Variants in SLIT3 observed in about 807,000 individuals in gnomAD.
SLIT3 encodes the protein slit homolog 3 protein.
In SLIT3, 68 loss-of-function variants were observed where a neutral mutation model predicts 184.0. The observed-to-expected ratio is 0.37, with a 90% confidence interval of 0.30 to 0.45. SLIT3 has a LOEUF of 0.45. SLIT3 is among the 20% of genes least tolerant of loss of function. The pLI, the probability that SLIT3 is intolerant of heterozygous loss-of-function variation, is 1.00. For missense variants in SLIT3, 1,707 were observed against 2,026.0 expected (o/e 0.84, Z 3.02); for synonymous variants, 831 against 828.6 (o/e 1.00, Z -0.05).
At chr5:168,902,555 T>A (rs141804645) in intron 4 of SLIT3, among the ~76,000 whole-genome samples, 75 of 152,220 alleles carry the variant, frequency 4.9e-4, no homozygotes, top group African/African-American at 1.7e-3. Context: ...GGGGGACTGA[T>A]GCAGCCGTTC....
At chr5:169,165,294 T>C (rs766482296) in intron 4 of SLIT3, among the ~76,000 whole-genome samples, 1 of 152,242 alleles carries the variant, frequency 6.6e-6, no homozygotes, top group Non-Finnish European at 1.5e-5. Context: ...AACTTGTGCC[T>C]AGGCCAACCT....
At chr5:169,054,502 G>GCA (rs1467825870) in intron 4 of SLIT3, among the ~76,000 whole-genome samples, 3 of 152,060 alleles carry the variant, frequency 2.0e-5, no homozygotes, top group Non-Finnish European at 4.4e-5. Flanking sequence ...TCTTGTCCAG[G>GCA]CAATTCAGGT....
intron 20 of SLIT3, among the ~76,000 whole-genome samples, chr5:168,736,144 C>T (rs1218822201): frequency 6.6e-6 from 1 of 152,192 alleles, no homozygotes; most frequent in East Asian, 1.9e-4. Flanking sequence ...TCTTATCTGT[C>T]ATGGTAGCCA....
intron 1 of SLIT3, among the ~76,000 whole-genome samples, chr5:169,276,121 A>G (rs999755799): frequency 1.3e-5 from 2 of 152,140 alleles, no homozygotes; most frequent in African/African-American, 2.4e-5. Context: ...CGCTACACGA[A>G]ATTCACATCA....
At chr5:169,047,902 T>C (rs778297457) in intron 4 of SLIT3, among the ~76,000 whole-genome samples, 1 of 152,000 alleles carries the variant, frequency 6.6e-6, no homozygotes, top group Admixed American at 6.5e-5. Flanking sequence ...GAGCAGGAAC[T>C]AGGTGACAGT....
intron 9 of SLIT3, among the ~76,000 whole-genome samples, chr5:168,798,220 C>T (rs114304973): frequency 6.7e-4 from 75 of 112,246 alleles, no homozygotes; most frequent in African/African-American, 1.9e-3. Context: ...TCTTCTTCTT[C>T]TTCTTTTTTT....
intron 4 of SLIT3, among the ~76,000 whole-genome samples, chr5:168,963,578 T>C (rs753312548): frequency 1.3e-5 from 2 of 152,238 alleles, no homozygotes; most frequent in Admixed American, 6.5e-5. Flanking sequence ...TACTATCTGC[T>C]GTGTTACAGA....
At chr5:168,965,915 C>CTT (rs1204445329) in intron 4 of SLIT3, among the ~76,000 whole-genome samples, 1 of 152,208 alleles carries the variant, frequency 6.6e-6, no homozygotes, top group Non-Finnish European at 1.5e-5. Flanking sequence ...ACAAGATCTG[C>CTT]TTTCTAAGCC....
intron 4 of SLIT3, among the ~76,000 whole-genome samples, chr5:169,021,835 C>T (rs1026189986): frequency 1.3e-5 from 2 of 152,196 alleles, no homozygotes; most frequent in Non-Finnish European, 2.9e-5. Context: ...ACCTGCGTTG[C>T]TCACCATGGC....
At chr5:168,732,407 A>T (rs1446718362) in intron 20 of SLIT3, among the ~76,000 whole-genome samples, 1 of 152,110 alleles carries the variant, frequency 6.6e-6, no homozygotes. Context: ...CTACAGATTC[A>T]TTGCAATCCC....
chr5:168,813,660 G>A (rs1757239149), intron 8 of SLIT3, among the ~76,000 whole-genome samples: 1 of 152,220 alleles, frequency 6.6e-6, no homozygotes, highest in Non-Finnish European at 1.5e-5. Flanking sequence ...GATGAATTTT[G>A]CCAAAGTGCA....
In SLIT3 at chr5:168,689,937, C is replaced by A. The variant is rs913466102; in HGVS notation, c.3176+2670G>T. Among the ~76,000 whole-genome samples, 6 of 152,272 alleles carry A rather than the reference C, an allele frequency of 3.9e-5. No individual in the cohort carries two copies. In the South Asian group the frequency reaches 6.2e-4, roughly 16 times the overall value. ...AGACCTTTTCAAGATAATGACATCACATATAAATACAATATCTCAAGATTA... is the reference window on the plus strand; with the variant it reads ...AGACCTTTTCAAGATAATGACATCAAATATAAATACAATATCTCAAGATTA... On this transcript the variant is annotated intron_variant, in intron 29 of 35. Coordinates refer to ENST00000519560, the MANE Select transcript of SLIT3 (RefSeq NM_003062.4).
chr5:168,742,367 C>T (rs1242837283), intron 20 of SLIT3, among the ~76,000 whole-genome samples: 4 of 150,288 alleles, frequency 2.7e-5, no homozygotes, highest in Non-Finnish European at 5.9e-5. Flanking sequence ...GAGGCATTTT[C>T]TTCCTCACCC....
At chr5:168,942,557 A>G (rs908686816) in intron 4 of SLIT3, among the ~76,000 whole-genome samples, 35 of 152,186 alleles carry the variant, frequency 2.3e-4, no homozygotes, top group African/African-American at 8.0e-4. Flanking sequence ...AGCATTCTAG[A>G]TTTCTGCTTA....
intron 6 of SLIT3, among the ~76,000 whole-genome samples, chr5:168,825,580 T>C (rs990250817): frequency 6.6e-6 from 1 of 152,190 alleles, no homozygotes; most frequent in Non-Finnish European, 1.5e-5. Context: ...ATGACTTCAC[T>C]AACTCGCCAA....
chr5:169,029,278 G>A lies in SLIT3; in HGVS notation c.414-145942C>T, dbSNP rs541128581. 4.6e-5 allele frequency among the ~76,000 whole-genome samples: 7 copies of A among 152,242 alleles called. No homozygotes were observed. The East Asian group carries it at 9.7e-4, about 21-fold the overall frequency. ...AGAAGACATAGCCACAGGACTTTGA[G>A]GTTTGCACTCTTTTTGTTAGCCAGA... On this transcript the variant is annotated intron_variant, in intron 4 of 35. Transcript: ENST00000519560.
intron 20 of SLIT3, among the ~76,000 whole-genome samples, chr5:168,738,008 C>T (rs1329864896): frequency 2.6e-5 from 4 of 152,160 alleles, no homozygotes; most frequent in African/African-American, 9.7e-5. Flanking sequence ...ATTCTGTAAG[C>T]TTGCCTTTTA....
intron 3 of SLIT3, among the ~76,000 whole-genome samples, chr5:169,235,323 T>C (rs962636911): frequency 6.8e-6 from 1 of 147,890 alleles, no homozygotes; most frequent in African/African-American, 2.4e-5. Flanking sequence ...ATGTATGTAT[T>C]TTTGGCATAA....
intron 18 of SLIT3, among the ~76,000 whole-genome samples, chr5:168,751,000 C>T (rs533910143): frequency 3.0e-5 from 4 of 135,016 alleles, no homozygotes; most frequent in East Asian, 4.5e-4. Context: ...AGGGGTAGAA[C>T]GGGGTGAGGC....
Sources: allele counts gnomAD v4.1 joint callset (sites outside exome capture counted in the v4.1 genomes callset), GRCh38; gene constraint gnomAD v4.1.1; transcripts MANE v1.5; gene names NCBI Gene and HGNC (gene_info 2026-07-23, HGNC 2026-07-21).